Variants in ATRNL1 observed in about 807,000 individuals in gnomAD.
The protein encoded by ATRNL1 is attractin like 1.
ATRNL1 carries 95 observed loss-of-function variants against 182.7 expected under a neutral mutation model. The observed-to-expected ratio is 0.52, with a 90% CI of 0.44 to 0.62. The LOEUF is 0.62. ATRNL1 is among the 20% of genes least tolerant of loss of function. ATRNL1 has a pLI of 0.00. For missense variants in ATRNL1, 1,471 were observed against 1,679.5 expected, an observed-to-expected ratio of 0.88 and a Z score of 2.17; for synonymous variants, 576 against 568.3, an observed-to-expected ratio of 1.01 and a Z score of -0.19.
At chr10:115,620,871 C>A (rs1047428479) in intron 26 of ATRNL1, among the ~76,000 whole-genome samples, 4 of 152,222 alleles carry the variant, frequency 2.6e-5, no homozygotes, top group South Asian at 4.2e-4. Context: ...ATGTTCTGAT[C>A]TGTAATCTTA....
chr10:115,719,921 GT>G (rs570163003), intron 26 of ATRNL1, among the ~76,000 whole-genome samples: 7 of 150,416 alleles, frequency 4.7e-5, no homozygotes, highest in Non-Finnish European at 3.0e-5. Flanking sequence ...GAGTGCAGTG[GT>G]GGTCTTGGCT....
intron 26 of ATRNL1, among the ~76,000 whole-genome samples, chr10:115,611,916 C>G (rs1857178244): frequency 6.6e-6 from 1 of 151,938 alleles, no homozygotes; most frequent in Non-Finnish European, 1.5e-5. Context: ...ATAGTCATTA[C>G]AAGGCCAAAA....
At chr10:115,423,482 T>G (rs1845737284) in intron 20 of ATRNL1, among the ~76,000 whole-genome samples, 1 of 152,110 alleles carries the variant, frequency 6.6e-6, no homozygotes, top group Admixed American at 6.6e-5. Flanking sequence ...GAGCTGAGAT[T>G]GCACCACTGT....
At chr10:115,135,614 G>C (rs1019936540) in intron 5 of ATRNL1, among the ~76,000 whole-genome samples, 2 of 152,152 alleles carry the variant, frequency 1.3e-5, no homozygotes, top group Non-Finnish European at 2.9e-5. Flanking sequence ...TACTGCCCAA[G>C]GTAATTTATA....
intron 27 of ATRNL1, among the ~76,000 whole-genome samples, chr10:115,809,872 A>G (rs1282364231): frequency 6.6e-6 from 1 of 150,512 alleles, no homozygotes; most frequent in Non-Finnish European, 1.5e-5. Context: ...ACATTATTTC[A>G]TATATTAGGG....
At chr10:115,809,101 A>G (rs1555086326) in intron 27 of ATRNL1, among the ~76,000 whole-genome samples, 1 of 152,040 alleles carries the variant, frequency 6.6e-6, no homozygotes, top group African/African-American at 2.4e-5. Flanking sequence ...TTTTGCCACC[A>G]TTGGATTACC....
At chr10:115,641,818 A>G (rs1342916177) in intron 26 of ATRNL1, among the ~76,000 whole-genome samples, 1 of 151,856 alleles carries the variant, frequency 6.6e-6, no homozygotes, top group Non-Finnish European at 1.5e-5. Flanking sequence ...GTAATTCATT[A>G]TTGTAGATAA....
At chr10:115,193,353 T>C (rs1440685549) in intron 8 of ATRNL1, among the ~76,000 whole-genome samples, 1 of 151,994 alleles carries the variant, frequency 6.6e-6, no homozygotes, top group East Asian at 1.9e-4. Context: ...CACCATCAGG[T>C]ACTAGGCTTT....
chr10:115,646,831 A>G (rs1462449202), intron 26 of ATRNL1, among the ~76,000 whole-genome samples: 1 of 151,944 alleles, frequency 6.6e-6, no homozygotes, highest in Non-Finnish European at 1.5e-5. Context: ...TCTAGGGTAC[A>G]TGTGCACAAC....
chr10:115,230,870 TGAGAGAGAGAGAGA>T (rs1169884107), intron 9 of ATRNL1, among the ~76,000 whole-genome samples: 1,009 of 83,736 alleles, frequency 0.012, 13 homozygotes, highest in African/African-American at 0.023. Context: ...ATAGAGTGGA[TGAGAGAGAGAGAGA>T]GAGAGAGAGA....
intron 19 of ATRNL1, among the ~76,000 whole-genome samples, chr10:115,367,661 T>C (rs190811843): frequency 0.022 from 2,977 of 135,042 alleles, 158 homozygotes; most frequent in African/African-American, 0.072. Context: ...TATCTACTTT[T>C]GGTCGTCGAT....
At chr10:115,452,034 A>G (rs2172668) in intron 21 of ATRNL1, among the ~76,000 whole-genome samples, 13,800 of 152,192 alleles carry the variant, frequency 0.091, 2,093 homozygotes, top group African/African-American at 0.31. Flanking sequence ...GCATGTTCTC[A>G]CTTACAAGTG....
chr10:115,575,359 G>A (rs1201245724), intron 26 of ATRNL1, among the ~76,000 whole-genome samples: 2 of 152,162 alleles, frequency 1.3e-5, no homozygotes, highest in Non-Finnish European at 2.9e-5. Flanking sequence ...TTGCAATGAA[G>A]CAGAGAATAG....
intron 28 of ATRNL1, among the ~76,000 whole-genome samples, chr10:115,906,320 T>C (rs1444564713): frequency 2.0e-5 from 3 of 152,168 alleles, no homozygotes; most frequent in African/African-American, 7.2e-5. Context: ...GAGAATTTGA[T>C]CTGGATTCAG....
chr10:115,455,889 C>T (rs1279712702), intron 21 of ATRNL1, among the ~76,000 whole-genome samples: 1 of 152,148 alleles, frequency 6.6e-6, no homozygotes, highest in Middle Eastern at 3.2e-3. Flanking sequence ...AAAAAAAGCT[C>T]ATCATCACTG....
At chr10:115,111,462 C>T (rs1161225588) in intron 1 of ATRNL1, among the ~76,000 whole-genome samples, 4 of 152,260 alleles carry the variant, frequency 2.6e-5, no homozygotes, top group East Asian at 1.9e-4. Flanking sequence ...GCTTGTATTG[C>T]GGGGCTCAGG....
At chr10:115,484,308 A>T (rs926369514) in intron 24 of ATRNL1, among the ~76,000 whole-genome samples, 1 of 151,476 alleles carries the variant, frequency 6.6e-6, no homozygotes, top group Non-Finnish European at 1.5e-5. Flanking sequence ...CTACTTACAG[A>T]TTATGCTATT....
intron 17 of ATRNL1, among the ~76,000 whole-genome samples, chr10:115,303,022 C>T (rs1853553959): frequency 6.9e-6 from 1 of 145,242 alleles, no homozygotes; most frequent in Non-Finnish European, 1.5e-5. Flanking sequence ...GTTTTACTTA[C>T]TCCTGCTGCT....
chr10:115,188,894 A>G (rs561050063), intron 8 of ATRNL1, among the ~76,000 whole-genome samples: 219 of 152,310 alleles, frequency 1.4e-3, no homozygotes, highest in Non-Finnish European at 2.7e-3. Flanking sequence ...ATTCAATCAT[A>G]GGAATCACAG....
Sources: allele counts gnomAD v4.1 joint callset (sites outside exome capture counted in the v4.1 genomes callset), GRCh38; gene constraint gnomAD v4.1.1; transcripts MANE v1.5; gene names NCBI Gene and HGNC (gene_info 2026-07-23, HGNC 2026-07-21).